Variants in HMBOX1 observed in about 807,000 individuals in gnomAD.
HMBOX1 encodes homeobox-containing protein 1.
Under a neutral mutation model 54.5 loss-of-function variants are expected in HMBOX1, and 14 were observed. That is an observed-to-expected ratio of 0.26 (90% CI 0.17 to 0.40). The LOEUF (loss-of-function observed/expected upper bound fraction) is 0.40, where lower values mean the gene tolerates loss of function less well. HMBOX1 is among the 10% of genes least tolerant of loss of function. The probability of loss-of-function intolerance (pLI) is 1.00; values close to 1 mark genes in which losing one functional copy is unlikely to be tolerated. For synonymous variants in HMBOX1, 160 were observed against 181.0 expected (o/e 0.88, Z 0.93); for missense variants, 332 against 514.4 (o/e 0.65, Z 3.43).
intron 1 of HMBOX1, among the ~76,000 whole-genome samples, chr8:28,946,598 T>G (rs1822519581): frequency 6.6e-6 from 1 of 152,122 alleles, no homozygotes; most frequent in Non-Finnish European, 1.5e-5. Context: ...ACAATTGTGT[T>G]TGATATGTAT....
rs1487626000 is a variant in HMBOX1 at position 28,970,658 on chromosome 8, C to T, written c.500+139C>T. 8.7e-6 allele frequency: 5 copies of T among 571,880 alleles called. No individual in the cohort carries two copies. The highest frequency in any genetic ancestry group is 1.5e-5 in the Non-Finnish European group (5 of 327,450). 35.4% of individuals were successfully genotyped at this position (571,880 alleles called of 1,614,324 possible). A position where few individuals can be genotyped will look rare whatever the true frequency, so the allele number is the denominator to read the frequency against. Reference sequence around the variant, plus strand: ...TATAAGAACTGTAACTTCCTCCTCCCACCTTTGGAGATGAAAGAAAGAAAG... The same window carrying T: ...TATAAGAACTGTAACTTCCTCCTCCTACCTTTGGAGATGAAAGAAAGAAAG... On this transcript the variant is annotated intron_variant, in intron 3 of 9. Coordinates refer to ENST00000287701, the MANE Select transcript of HMBOX1 (RefSeq NM_001135726.3). This position sits in a 1 kb window ranked among gnomAD's most constrained non-coding sequence, Gnocchi z 4.3.
chr8:28,969,598 A>G (rs944880084), intron 2 of HMBOX1, among the ~76,000 whole-genome samples: 3 of 152,156 alleles, frequency 2.0e-5, no homozygotes, highest in Non-Finnish European at 2.9e-5. Context: ...TGTTTAGCTA[A>G]TATTTGGTAA....
intron 1 of HMBOX1, among the ~76,000 whole-genome samples, chr8:28,906,260 C>T (rs975159753): frequency 1.3e-5 from 2 of 152,184 alleles, no homozygotes; most frequent in Non-Finnish European, 2.9e-5. Context: ...TTCTTTCCTG[C>T]ACTTTCTGCT....
chr8:29,027,785 A>G (rs1018706004), intron 6 of HMBOX1, among the ~76,000 whole-genome samples: 3 of 152,196 alleles, frequency 2.0e-5, no homozygotes, highest in Admixed American at 6.6e-5. Flanking sequence ...GATTGCTATA[A>G]TTTTTAATCG....
At chr8:29,046,067 C>G (rs1000609649) in intron 7 of HMBOX1, among the ~76,000 whole-genome samples, 1 of 152,186 alleles carries the variant, frequency 6.6e-6, no homozygotes, top group Non-Finnish European at 1.5e-5. Context: ...TAAACATAAA[C>G]CATTTTCAGT....
intron 5 of HMBOX1, among the ~76,000 whole-genome samples, chr8:29,010,408 T>G (rs1030459124): frequency 1.9e-4 from 29 of 151,994 alleles, no homozygotes; most frequent in African/African-American, 6.8e-4. Context: ...AATACAAAAA[T>G]TAGCCAGGTG....
intron 4 of HMBOX1, among the ~76,000 whole-genome samples, chr8:28,996,855 A>G (rs1412310949): frequency 6.6e-6 from 1 of 152,072 alleles, no homozygotes; most frequent in Non-Finnish European, 1.5e-5. Context: ...ATTCTTTTTG[A>G]TGCTATTGTA....
At chr8:28,902,482 G>T (rs1813419506) in intron 1 of HMBOX1, among the ~76,000 whole-genome samples, 1 of 152,188 alleles carries the variant, frequency 6.6e-6, no homozygotes, top group African/African-American at 2.4e-5. Context: ...ACAGATCTCA[G>T]TACTGCACAT....
At chr8:28,918,743 C>T (rs926294985) in intron 1 of HMBOX1, among the ~76,000 whole-genome samples, 9 of 151,964 alleles carry the variant, frequency 5.9e-5, no homozygotes, top group African/African-American at 1.7e-4. Context: ...TTCCCACCTT[C>T]CATTTAACAT....
intron 6 of HMBOX1, among the ~76,000 whole-genome samples, chr8:29,021,324 T>C (rs1801117927): frequency 6.6e-6 from 1 of 152,016 alleles, no homozygotes; most frequent in Admixed American, 6.5e-5. Flanking sequence ...GGGAAAAATA[T>C]TTCCTAACCA....
chr8:28,945,444 T>G (rs1822254776), intron 1 of HMBOX1, among the ~76,000 whole-genome samples: 1 of 152,230 alleles, frequency 6.6e-6, no homozygotes. Context: ...GATTACTTTG[T>G]TAACTATGTA....
At chr8:28,930,624 G>C (rs1481614547) in intron 1 of HMBOX1, among the ~76,000 whole-genome samples, 1 of 152,118 alleles carries the variant, frequency 6.6e-6, no homozygotes, top group African/African-American at 2.4e-5. Flanking sequence ...AATCAAACCA[G>C]TCTAATCAGT....
intron 3 of HMBOX1, among the ~76,000 whole-genome samples, 179 bp from the exon 4 acceptor site, chr8:28,979,892 T>C (rs1263376499): frequency 6.6e-6 from 1 of 152,242 alleles, no homozygotes; most frequent in African/African-American, 2.4e-5. Flanking sequence ...AGGACTTGAA[T>C]ATTTGGTGTT....
At position 28,970,528 on chromosome 8, in the gene HMBOX1, C is replaced by G. The variant is rs979919019; in HGVS notation, c.500+9C>G. 2.0e-6 allele frequency: 3 copies of G among 1,535,390 alleles called. No individual in the cohort carries two copies. Among genetic ancestry groups the G allele is most frequent in the Non-Finnish European group, 1.8e-6 (2 of 1,131,728 alleles). On this transcript the variant is annotated intron_variant, in intron 3 of 9. Coordinates refer to ENST00000287701, the MANE Select transcript of HMBOX1 (RefSeq NM_001135726.3). This position sits in a 1 kb window ranked among gnomAD's most constrained non-coding sequence, Gnocchi z 4.3. ...GTGGAAGAATTAATGAGGTTAGTGA[C>G]TTTGCTTATTCAGAGTCCCTAAAAA...
intron 6 of HMBOX1, chr8:29,042,662 G>A (rs1416454877): frequency 4.4e-6 from 2 of 456,236 alleles, no homozygotes; most frequent in East Asian, 1.4e-4. Context: ...CCTGAGAGAA[G>A]GATGGAAGAA....
chr8:28,977,837 G>C (rs879599487), intron 3 of HMBOX1, among the ~76,000 whole-genome samples: 4 of 151,698 alleles, frequency 2.6e-5, no homozygotes, highest in East Asian at 3.9e-4. Flanking sequence ...CCAGCTACTC[G>C]GGAGGCTGAG....
At chr8:28,949,097 T>C (rs1346114594) in intron 1 of HMBOX1, among the ~76,000 whole-genome samples, 1 of 152,190 alleles carries the variant, frequency 6.6e-6, no homozygotes, top group East Asian at 1.9e-4. Flanking sequence ...GTAGGAATAG[T>C]TTTTGTTTGT....
At chr8:28,906,783 G>T (rs960768013) in intron 1 of HMBOX1, among the ~76,000 whole-genome samples, 1 of 152,092 alleles carries the variant, frequency 6.6e-6, no homozygotes, top group Non-Finnish European at 1.5e-5. Context: ...TAGAGACGGG[G>T]TTTCACCATA....
rs537450832 is a variant in HMBOX1, at chr8:28,986,328, G to T, written c.586+6172G>T. On this transcript the variant is annotated intron_variant, in intron 4 of 9. Coordinates refer to ENST00000287701, the MANE Select transcript of HMBOX1 (RefSeq NM_001135726.3). Reference sequence around the variant, plus strand: ...CTATTCACCTACTGGATAGCATCTTGGTTGCTTCCAAGTTTTGGCAATTAT... The same window carrying T: ...CTATTCACCTACTGGATAGCATCTTTGTTGCTTCCAAGTTTTGGCAATTAT... 4.6e-5 allele frequency among the ~76,000 whole-genome samples: 7 copies of T among 152,258 alleles called. No homozygotes were observed. In the South Asian group the frequency reaches 8.3e-4, roughly 18 times the overall value.
Sources: gnomAD v4.1 joint callset for allele counts (sites outside exome capture counted in the v4.1 genomes callset) on GRCh38, gnomAD v4.1.1 for gene constraint, Gnocchi (gnomAD v3.1) non-coding constraint, MANE v1.5 for transcripts, NCBI Gene and HGNC (gene_info 2026-07-23, HGNC 2026-07-21) for gene names.